The following MOV10L1 variants were observed in gnomAD, a reference collection of about 807,000 sequenced individuals.
MOV10L1 encodes the protein Mov10 like RNA helicase 1.
MOV10L1 carries 110 observed loss-of-function variants against 143.8 expected under a neutral mutation model. The observed-to-expected ratio is 0.76, with a 90% CI of 0.66 to 0.90. The LOEUF (loss-of-function observed/expected upper bound fraction) is 0.90. Ranked by LOEUF, MOV10L1 falls within the 40% of genes least tolerant of loss-of-function variation. The pLI is 0.00. For missense variants in MOV10L1, 1,406 were observed against 1,526.8 expected (o/e 0.92, Z 1.32); for synonymous variants, 593 against 581.1 (o/e 1.02, Z -0.29).
rs188656814 is a variant in MOV10L1 at position 50,116,466 on chromosome 22, T to C, written c.1260-691T>C. ...CGTCTCAAAAAAAAAAAAAAAGCCA[T>C]AGGGGGGCACAAAGTGTAGTGTGGA... On this transcript the variant is annotated intron_variant, in intron 8 of 26. Coordinates refer to ENST00000262794, the MANE Select transcript of MOV10L1 (RefSeq NM_018995.3). Among the ~76,000 whole-genome samples the C allele has an allele frequency of 3.6e-3, 520 of 145,110 alleles. 1 individual carries two copies. Among genetic ancestry groups the C allele is most frequent in the Admixed American group, 6.0e-3 (87 of 14,460 alleles).
chr22:50,104,399 G>C (rs2147079473), intron 3 of MOV10L1, among the ~76,000 whole-genome samples: 1 of 152,326 alleles, frequency 6.6e-6, no homozygotes, highest in East Asian at 1.9e-4. Flanking sequence ...GGGGTCAGGG[G>C]AGTGAGTTTG....
In MOV10L1 at chr22:50,161,399, C is replaced by T. The variant is rs1321191955; in HGVS notation, c.3586C>T (p.Pro1196Ser). The T allele has an allele frequency of 1.9e-6, 3 of 1,601,550 alleles. No individual in the cohort carries two copies. Among genetic ancestry groups the T allele is most frequent in the Non-Finnish European group, 2.6e-6 (3 of 1,174,340 alleles). The change falls in exon 27 of 27, where the codon CCA (proline) becomes TCA (serine). Residue 1196 changes from proline (P) to serine (S), a missense_variant. Transcript: ENST00000262794. ...CGEGVADPSY[P>S]VVPESTGPEK... ...CGAGGGGGTGGCAGACCCCTCCTAC[C>T]CAGTGGTGCCAGAATCCACAGGACC...
chr22:50,114,315 T>A, intron 6 of MOV10L1, 66 bp from the exon 7 acceptor site: 1 of 1,564,832 alleles, frequency 6.4e-7, no homozygotes, highest in Non-Finnish European at 8.7e-7. Flanking sequence ...TTTTGTGTTT[T>A]ATGATAACTG....
intron 2 of MOV10L1, among the ~76,000 whole-genome samples, chr22:50,096,766 C>T (rs1315773843): frequency 6.6e-6 from 1 of 152,074 alleles, no homozygotes; most frequent in Admixed American, 6.6e-5. Context: ...TGCTTATTGG[C>T]CATCTATATA....
chr22:50,148,813 G>A (rs1309799673), intron 19 of MOV10L1, among the ~76,000 whole-genome samples: 5 of 152,046 alleles, frequency 3.3e-5, no homozygotes, highest in East Asian at 1.9e-4. Context: ...ACAGGCGCCC[G>A]CCACCACACC....
At chr22:50,155,346 C>T (rs1347579428) in intron 22 of MOV10L1, among the ~76,000 whole-genome samples, 2 of 151,310 alleles carry the variant, frequency 1.3e-5, no homozygotes, top group African/African-American at 2.4e-5. Flanking sequence ...CTGCAACCTC[C>T]GCCTTCCAGG....
intron 2 of MOV10L1, chr22:50,095,456 AT>A (rs976563752): frequency 4.6e-5 from 7 of 151,900 alleles, no homozygotes; most frequent in African/African-American, 1.7e-4. Context: ...GATAGTCCTC[AT>A]GTTTTTGTGT....
At chr22:50,137,871 C>T (rs1351418143) in intron 15 of MOV10L1, among the ~76,000 whole-genome samples, 1 of 144,584 alleles carries the variant, frequency 6.9e-6, no homozygotes, top group Non-Finnish European at 1.5e-5. Flanking sequence ...TTTATATATA[C>T]ACACATATTT....
At position 50,114,537 on chromosome 22, in the gene MOV10L1, T is replaced by C; in HGVS notation, c.1041T>C (p.Asn347=). The C allele has an allele frequency of 6.2e-7, 1 of 1,614,122 alleles. No homozygotes were observed. Among genetic ancestry groups the C allele is most frequent in the Non-Finnish European group, 8.5e-7 (1 of 1,180,030 alleles). Residue 347 remains asparagine (N), a synonymous_variant, in exon 7 of 27, where the codon AAT becomes AAC. Transcript: ENST00000262794. The part of the protein sequence containing the change: ...VPEKENSSDE[N]INSLNSHTKN... Reference sequence around the variant, plus strand: ...AGAAGGAGAATTCATCAGATGAAAATATTAATTCATTAAATAGCCACACAA... The same window carrying C: ...AGAAGGAGAATTCATCAGATGAAAACATTAATTCATTAAATAGCCACACAA...
At chr22:50,140,298 A>G (rs1282311014) in intron 15 of MOV10L1, among the ~76,000 whole-genome samples, 1 of 152,248 alleles carries the variant, frequency 6.6e-6, no homozygotes, top group East Asian at 1.9e-4. Context: ...GGGGACTGAC[A>G]GGTCTATTTG....
intron 1 of MOV10L1, chr22:50,090,786 C>G: frequency 2.5e-6 from 1 of 405,422 alleles, no homozygotes; most frequent in Non-Finnish European, 4.6e-6. Context: ...AAGTGATTCT[C>G]CTGCCTCAGC....
intron 13 of MOV10L1, 33 bp from the exon 14 acceptor site, chr22:50,133,974 G>T: frequency 6.3e-7 from 1 of 1,587,108 alleles, no homozygotes; most frequent in Non-Finnish European, 8.6e-7. Context: ...TGAATGTAAG[G>T]TTAGTTATTT....
At position 50,152,317 on chromosome 22, in the gene MOV10L1, C is replaced by G. The variant is rs1044431651; in HGVS notation, c.2893-728C>G. ...ACGGCTCCCCGCGGCACAGACGCAG[C>G]GAGTCCTCATGCCAATACATGGGTC... On this transcript the variant is annotated intron_variant, in intron 21 of 26. Transcript: ENST00000262794. This position sits in a 1 kb window ranked among gnomAD's most constrained non-coding sequence, Gnocchi z 4.4. Among the ~76,000 whole-genome samples, 1 of 152,172 alleles carries G rather than the reference C, an allele frequency of 6.6e-6. No homozygotes were observed. Among genetic ancestry groups the G allele is most frequent in the Non-Finnish European group, 1.5e-5 (1 of 68,016 alleles).
chr22:50,121,142 C>T (rs575827121), intron 10 of MOV10L1, among the ~76,000 whole-genome samples: 1 of 152,188 alleles, frequency 6.6e-6, no homozygotes, highest in African/African-American at 2.4e-5. Context: ...GCCCTTTGTC[C>T]AGGAGGGTTT....
intron 3 of MOV10L1, among the ~76,000 whole-genome samples, chr22:50,100,308 C>T (rs571376743): frequency 6.6e-6 from 1 of 151,686 alleles, no homozygotes; most frequent in Non-Finnish European, 1.5e-5. Context: ...ACTGTTTAAA[C>T]TTGTGCTTTT....
chr22:50,100,511 C>A (rs1282905535), intron 3 of MOV10L1, among the ~76,000 whole-genome samples: 1 of 151,630 alleles, frequency 6.6e-6, no homozygotes, highest in Non-Finnish European at 1.5e-5. Context: ...CTTTTTCTTT[C>A]TTTCTTTCTT....
chr22:50,156,846 T>C (rs1452359088), intron 22 of MOV10L1, among the ~76,000 whole-genome samples: 1 of 152,232 alleles, frequency 6.6e-6, no homozygotes, highest in Non-Finnish European at 1.5e-5. Flanking sequence ...AGATATCTAT[T>C]TGAGACCCTG....
At chr22:50,111,048 C>G (rs779912978) in intron 5 of MOV10L1, among the ~76,000 whole-genome samples, 2 of 152,180 alleles carry the variant, frequency 1.3e-5, no homozygotes, top group Admixed American at 6.5e-5. Context: ...GACCCACCCC[C>G]TCCCTGCCTG....
intron 10 of MOV10L1, among the ~76,000 whole-genome samples, chr22:50,124,582 T>TC (rs2062440511): frequency 6.6e-6 from 1 of 152,222 alleles, no homozygotes; most frequent in Admixed American, 6.5e-5. Flanking sequence ...CTTTCTGCCC[T>TC]CCCACTTTCC....
Sources: gnomAD v4.1 joint callset for allele counts (sites outside exome capture counted in the v4.1 genomes callset) on GRCh38, gnomAD v4.1.1 for gene constraint, Gnocchi (gnomAD v3.1) non-coding constraint, MANE v1.5 for transcripts, NCBI Gene and HGNC (gene_info 2026-07-23, HGNC 2026-07-21) for gene names.